The following PLXDC1 variants were observed in gnomAD, a reference collection of about 807,000 sequenced individuals.
PLXDC1 encodes the protein plexin domain-containing protein 1.
In PLXDC1, 39 loss-of-function variants were observed where a neutral mutation model predicts 61.3. That is an observed-to-expected ratio of 0.64 (90% confidence interval 0.49 to 0.83). PLXDC1 has a LOEUF of 0.83. Among genes scored for constraint, PLXDC1 ranks in the 40% least tolerant of loss-of-function variants. The pLI is 0.00. For missense variants in PLXDC1, 596 were observed against 666.5 expected (o/e 0.89, Z 1.17); for synonymous variants, 212 against 254.5 (o/e 0.83, Z 1.59).
At chr17:39,100,989 C>T (rs549045476) in intron 7 of PLXDC1, among the ~76,000 whole-genome samples, 25 of 152,344 alleles carry the variant, frequency 1.6e-4, no homozygotes, top group African/African-American at 5.8e-4. Context: ...CACTGACTCT[C>T]AGCCCAGGAT....
chr17:39,100,860 G>C (rs4254363), intron 7 of PLXDC1, among the ~76,000 whole-genome samples: 43,050 of 152,206 alleles, frequency 0.28, 6,540 homozygotes, highest in Non-Finnish European at 0.34. Flanking sequence ...AGCGCAGGGG[G>C]CTAAGGGGAG....
intron 7 of PLXDC1, among the ~76,000 whole-genome samples, chr17:39,091,122 C>T (rs903406548): frequency 1.3e-5 from 2 of 152,248 alleles, no homozygotes; most frequent in Admixed American, 1.3e-4. Context: ...CCCACCCTAG[C>T]TTCCCCTTGT....
intron 2 of PLXDC1, among the ~76,000 whole-genome samples, chr17:39,130,126 C>G (rs939862903): frequency 1.3e-5 from 2 of 152,036 alleles, no homozygotes; most frequent in African/African-American, 4.8e-5. Context: ...GGAGCAACTG[C>G]TTAATGGGTA....
chr17:39,097,384 T>C (rs1910246951), intron 7 of PLXDC1, among the ~76,000 whole-genome samples: 1 of 152,206 alleles, frequency 6.6e-6, no homozygotes. Flanking sequence ...TGGGGTTTAC[T>C]ATTACCTGCA....
chr17:39,112,533 C>G (rs113222505), intron 2 of PLXDC1, among the ~76,000 whole-genome samples: 13 of 146,526 alleles, frequency 8.9e-5, no homozygotes, highest in African/African-American at 3.0e-4. Flanking sequence ...TCTCAGCTCA[C>G]TGCAATCTCT....
chr17:39,104,492 A>G (rs2143644609), intron 7 of PLXDC1, among the ~76,000 whole-genome samples: 1 of 152,286 alleles, frequency 6.6e-6, no homozygotes, highest in East Asian at 1.9e-4. Context: ...TGTTAAAGAC[A>G]GAGGTTTGGG....
chr17:39,148,935 G>A (rs534125758), intron 1 of PLXDC1, among the ~76,000 whole-genome samples: 1 of 152,160 alleles, frequency 6.6e-6, no homozygotes, highest in South Asian at 2.1e-4. Context: ...ACCAGTAGTT[G>A]GTATTGAGCC....
chr17:39,139,483 A>G (rs1911859902), intron 2 of PLXDC1, among the ~76,000 whole-genome samples, 171 bp downstream of exon 2: 1 of 152,118 alleles, frequency 6.6e-6, no homozygotes, highest in South Asian at 2.1e-4. Flanking sequence ...TTTATGACCC[A>G]GTCTGGGCCC....
At chr17:39,075,016 G>A (rs1251191023) in intron 11 of PLXDC1, among the ~76,000 whole-genome samples, 2 of 151,998 alleles carry the variant, frequency 1.3e-5, no homozygotes, top group Admixed American at 6.6e-5. Flanking sequence ...CTAGAGTGCA[G>A]TGGTGCAATC....
chr17:39,084,566 G>C (rs1567756178), intron 8 of PLXDC1, among the ~76,000 whole-genome samples: 2 of 152,252 alleles, frequency 1.3e-5, no homozygotes, highest in Non-Finnish European at 2.9e-5. Flanking sequence ...GCTCTCCTGG[G>C]AGAGAAGAAG....
intron 2 of PLXDC1, 42 bp downstream of exon 2, chr17:39,139,612 C>G (rs368648911): frequency 2.6e-6 from 4 of 1,534,692 alleles, no homozygotes; most frequent in Non-Finnish European, 3.6e-6. Context: ...AGACCTCCCC[C>G]ACCCCCACTT....
intron 2 of PLXDC1, among the ~76,000 whole-genome samples, chr17:39,120,971 G>C (rs948094090): frequency 6.6e-6 from 1 of 152,060 alleles, no homozygotes; most frequent in Non-Finnish European, 1.5e-5. Flanking sequence ...TGGGATTACA[G>C]GCATGAGCCA....
chr17:39,139,563 G>T lies in PLXDC1; in HGVS notation c.255+91C>A. 3 of 1,238,676 alleles carry T rather than the reference G, an allele frequency of 2.4e-6. No individual in the cohort carries two copies. The South Asian group carries it at 4.4e-5, about 18-fold the overall frequency. The allele number at this position is 1,238,676 out of a possible 1,614,324, so 76.7% of individuals were successfully genotyped here. A position where few individuals can be genotyped will look rare whatever the true frequency, so the allele number is the denominator to read the frequency against. On this transcript the variant is annotated intron_variant, in intron 2 of 13. Coordinates refer to ENST00000315392, the MANE Select transcript of PLXDC1 (RefSeq NM_020405.5). ...CCGGGGCCAACCCCAAATGATATGT[G>T]ATTTGCATGTAGGACAAGCACACCT... is the stretch of plus-strand genomic sequence containing the variant.
At chr17:39,119,429 T>G (rs1911088836) in intron 2 of PLXDC1, among the ~76,000 whole-genome samples, 2 of 152,302 alleles carry the variant, frequency 1.3e-5, no homozygotes, top group Admixed American at 6.5e-5. Flanking sequence ...CCCATGAATA[T>G]GTACAATTAT....
At chr17:39,135,020 T>G (rs1339476620) in intron 2 of PLXDC1, among the ~76,000 whole-genome samples, 2 of 152,238 alleles carry the variant, frequency 1.3e-5, no homozygotes, top group African/African-American at 4.8e-5. Flanking sequence ...GAGCTGCTGC[T>G]AAACCACATC....
chr17:39,119,898 C>A (rs775544202), intron 2 of PLXDC1, among the ~76,000 whole-genome samples: 1 of 151,994 alleles, frequency 6.6e-6, no homozygotes, highest in African/African-American at 2.4e-5. Context: ...ACTGAATGGA[C>A]CCCCTCTTGG....
At chr17:39,139,894 C>A (rs780383420) in intron 1 of PLXDC1, 62 bp from the exon 2 acceptor site, 1 of 1,493,834 alleles carries the variant, frequency 6.7e-7, no homozygotes, top group Non-Finnish European at 9.0e-7. Context: ...GGAGGGGAAT[C>A]CAGCCCAGTT....
At chr17:39,083,355 T>C in intron 9 of PLXDC1, 104 bp downstream of exon 9, 2 of 822,700 alleles carry the variant, frequency 2.4e-6, no homozygotes, top group Non-Finnish European at 4.2e-6. Context: ...AGAGATACTC[T>C]CATGTTGGCT....
intron 1 of PLXDC1, among the ~76,000 whole-genome samples, chr17:39,149,890 A>T (rs192199307): frequency 5.9e-5 from 9 of 152,294 alleles, no homozygotes; most frequent in Admixed American, 4.6e-4. Flanking sequence ...CCCAGAAATT[A>T]TTCATAACAT....
Sources: allele counts gnomAD v4.1 joint callset (sites outside exome capture counted in the v4.1 genomes callset), GRCh38; gene constraint gnomAD v4.1.1; transcripts MANE v1.5; gene names NCBI Gene and HGNC (gene_info 2026-07-23, HGNC 2026-07-21).